LAX1: variants seen among roughly 807,000 people sequenced by gnomAD.
LAX1 encodes lymphocyte transmembrane adaptor 1.
A neutral mutation model predicts 20.7 loss-of-function variants in LAX1; 17 were observed. That is an observed-to-expected ratio of 0.82 (90% CI 0.56 to 1.23). The LOEUF (loss-of-function observed/expected upper bound fraction) is 1.23, where lower values mean the gene tolerates loss of function less well. Ranked by LOEUF, LAX1 falls within the 50% of genes most tolerant of loss-of-function variation. The pLI is 0.00. For missense variants in LAX1, 470 were observed against 487.0 expected, an observed-to-expected ratio of 0.97 and a Z score of 0.33; for synonymous variants, 165 against 181.0, an observed-to-expected ratio of 0.91 and a Z score of 0.71.
intron 1 of LAX1, among the ~76,000 whole-genome samples, chr1:203,768,814 G>C (rs1400701944): frequency 6.6e-6 from 1 of 152,186 alleles, no homozygotes; most frequent in Non-Finnish European, 1.5e-5. Flanking sequence ...TATTGCAAAG[G>C]TTCCTGTGAA....
At chr1:203,769,877 C>A (rs1225845014) in intron 1 of LAX1, among the ~76,000 whole-genome samples, 2 of 151,994 alleles carry the variant, frequency 1.3e-5, no homozygotes, top group Non-Finnish European at 2.9e-5. Context: ...TCCTCTCCTC[C>A]AAGCAAGCCA....
rs1558070034 is a variant in LAX1 at position 203,769,455 on chromosome 1, A to AGAAAGG, written c.90-1373_90-1372insGAAAGG. Among the ~76,000 whole-genome samples the AGAAAGG allele has an allele frequency of 9.3e-4, 62 of 66,464 alleles. 1 individual carries two copies. Among genetic ancestry groups the AGAAAGG allele is most frequent in the African/African-American group, 2.4e-3 (51 of 21,658 alleles). The allele number at this position is 66,464 out of a possible 152,430, so 43.6% of individuals were successfully genotyped here. On this transcript the variant is annotated intron_variant, in intron 1 of 4. Coordinates refer to ENST00000442561, the MANE Select transcript of LAX1 (RefSeq NM_017773.4). ...AAAGAAAGAAAGAAGGAAAGAAAGAAAAGAAAAGAAAGAAAGTTGTATAAA... is the reference window on the plus strand; with the variant it reads ...AAAGAAAGAAAGAAGGAAAGAAAGAAGAAAGGAAGAAAAGAAAGAAAGTTGTATAAA...
intron 4 of LAX1, among the ~76,000 whole-genome samples, chr1:203,773,611 C>A (rs1193132451): frequency 6.6e-6 from 1 of 151,556 alleles, no homozygotes; most frequent in South Asian, 2.1e-4. Flanking sequence ...CTAAGCCTCA[C>A]CTTTAGCCAC....
intron 3 of LAX1, among the ~76,000 whole-genome samples, 184 bp downstream of exon 3, chr1:203,771,661 A>G (rs1667424678): frequency 6.6e-6 from 1 of 152,132 alleles, no homozygotes; most frequent in African/African-American, 2.4e-5. Flanking sequence ...GAGGGCTCCA[A>G]AAAGGGAGCA....
intron 1 of LAX1, chr1:203,769,770 G>A (rs1667371277): frequency 6.7e-6 from 1 of 148,596 alleles, no homozygotes; most frequent in Admixed American, 6.7e-5. Flanking sequence ...CCACAAATTG[G>A]TGCGGGGGGG....
intron 1 of LAX1, among the ~76,000 whole-genome samples, 173 bp from the exon 2 acceptor site, chr1:203,770,655 C>T (rs1237602420): frequency 6.6e-6 from 1 of 152,096 alleles, no homozygotes; most frequent in East Asian, 1.9e-4. Context: ...CAAGTCCCCT[C>T]TCTCCATAAA....
At chr1:203,769,405 GA>G (rs1667359819) in intron 1 of LAX1, among the ~76,000 whole-genome samples, 1 of 70,434 alleles carries the variant, frequency 1.4e-5, no homozygotes, top group Non-Finnish European at 3.5e-5. Context: ...AAAAAAGAAA[GA>G]AAGAAAGAAA....
At chr1:203,765,933 G>A (rs989379817) in intron 1 of LAX1, among the ~76,000 whole-genome samples, 9 of 152,200 alleles carry the variant, frequency 5.9e-5, no homozygotes, top group African/African-American at 2.2e-4. Context: ...CTCACCTCTC[G>A]GAGGCCCTGA....
chr1:203,766,878 CAG>C (rs1667312108), intron 1 of LAX1, among the ~76,000 whole-genome samples: 1 of 151,816 alleles, frequency 6.6e-6, no homozygotes, highest in African/African-American at 2.4e-5. Flanking sequence ...TTTTTTTAGA[CAG>C]AGTCTCGCTC....
rs72071580 is a variant in LAX1 at position 203,770,433 on chromosome 1, A to AAGAGAGAGAGAG, written c.90-385_90-374dup. On this transcript the variant is annotated intron_variant, in intron 1 of 4. Transcript: ENST00000442561. ...TCCATCAAAAAGAAAGAAAGAAAGA[A>AAGAGAGAGAGAG]AGAGAGAGAGAGAGAGAGAGAAAGG... Among the ~76,000 whole-genome samples the AAGAGAGAGAGAG allele has an allele frequency of 2.9e-4, 13 of 44,926 alleles. 1 individual carries two copies. The East Asian group carries it at 4.3e-3, about 15-fold the overall frequency. 29.5% of individuals were successfully genotyped at this position (44,926 alleles called of 152,430 possible).
chr1:203,772,416 T>C (rs915787644), intron 4 of LAX1, among the ~76,000 whole-genome samples: 2 of 151,756 alleles, frequency 1.3e-5, no homozygotes, highest in Non-Finnish European at 2.9e-5. Context: ...TAAAATTGAT[T>C]GGTATATTTT....
In LAX1 at chr1:203,767,391, T is replaced by A. The variant is rs192695265; in HGVS notation, c.89+1737T>A. On this transcript the variant is annotated intron_variant, in intron 1 of 4. Coordinates refer to ENST00000442561, the MANE Select transcript of LAX1 (RefSeq NM_017773.4). ...GTTGCAATCTAGGGTCACTGCAACC[T>A]CCACCTCCCAGGTTCAAGCGATTCT... 5.4e-3 allele frequency among the ~76,000 whole-genome samples: 748 copies of A among 138,984 alleles called. 6 individuals carry two copies. Among genetic ancestry groups the A allele is most frequent in the Non-Finnish European group, 5.6e-3 (369 of 65,552 alleles). The allele number at this position is 138,984 out of a possible 152,430, so 91.2% of individuals were successfully genotyped here. A position where few individuals can be genotyped will look rare whatever the true frequency, so the allele number is the denominator to read the frequency against.
chr1:203,774,775 T>G lies in LAX1; in HGVS notation c.*94T>G. 1.0e-6 allele frequency: 1 copy of G among 992,272 alleles called. No individual in the cohort carries two copies. Among genetic ancestry groups the G allele is most frequent in the Non-Finnish European group, 1.5e-6 (1 of 672,060 alleles). 61.5% of individuals were successfully genotyped at this position (992,272 alleles called of 1,614,324 possible). ...TAGTGCAGACCCGTGATCACCTTAG[T>G]GCTTCAGTGGATTCACTGGTTAGAT... On this transcript the variant is annotated 3_prime_UTR_variant, in exon 5 of 5. Coordinates refer to ENST00000442561, the MANE Select transcript of LAX1 (RefSeq NM_017773.4).
chr1:203,772,666 T>C (rs1667441135), intron 4 of LAX1, among the ~76,000 whole-genome samples: 1 of 151,990 alleles, frequency 6.6e-6, no homozygotes, highest in Non-Finnish European at 1.5e-5. Context: ...GACCTTTTCA[T>C]CCACCCGCCT....
chr1:203,770,463 A>AGAGAGAG (rs58360126), intron 1 of LAX1, among the ~76,000 whole-genome samples: 5 of 11,438 alleles, frequency 4.4e-4, no homozygotes, highest in Admixed American at 1.7e-3. Flanking sequence ...GAAAGGAAGG[A>AGAGAGAG]AGGAAGGAAG....
At position 203,774,604 on chromosome 1, in the gene LAX1, G is replaced by A. The variant is rs1472119176; in HGVS notation, c.1120G>A (p.Glu374Lys). 1.9e-6 allele frequency: 3 copies of A among 1,614,224 alleles called. No individual in the cohort carries two copies. Among genetic ancestry groups the A allele is most frequent in the Admixed American group, 1.7e-5 (1 of 60,020 alleles). Reference sequence around the variant, plus strand: ...GTCAAATGAGGACTCCAGTGACTATGAAAATGTGCTAACTGCCAAGTTAGG... The same window carrying A: ...GTCAAATGAGGACTCCAGTGACTATAAAAATGTGCTAACTGCCAAGTTAGG... ...EMSNEDSSDY[E>K]NVLTAKLGGR... The change falls in exon 5 of 5, where the codon GAA (glutamate) becomes AAA (lysine). Residue 374 changes from glutamate (E) to lysine (K), a missense_variant. Coordinates refer to ENST00000442561, the MANE Select transcript of LAX1 (RefSeq NM_017773.4).
Position 203,774,767 on chromosome 1 carries a change from C to A in LAX1, c.*86C>A. On this transcript the variant is annotated 3_prime_UTR_variant, in exon 5 of 5. Coordinates refer to ENST00000442561, the MANE Select transcript of LAX1 (RefSeq NM_017773.4). The stretch of plus-strand genomic sequence containing the variant: ...GCAGAGTCTAGTGCAGACCCGTGAT[C>A]ACCTTAGTGCTTCAGTGGATTCACT... 1 of 1,073,096 alleles carries A rather than the reference C, an allele frequency of 9.3e-7. No individual in the cohort carries two copies. The highest frequency in any genetic ancestry group is 1.3e-6 in the Non-Finnish European group (1 of 741,198). 66.5% of individuals were successfully genotyped at this position (1,073,096 alleles called of 1,614,324 possible).
In LAX1 at chr1:203,765,607, G is replaced by T. The variant is rs774723925; in HGVS notation, c.42G>T (p.Arg14Ser). Residue 14 changes from arginine (R) to serine (S), a missense_variant, in exon 1 of 5, where the codon AGG becomes AGT. Coordinates refer to ENST00000442561, the MANE Select transcript of LAX1 (RefSeq NM_017773.4). ...VTPTLSTIRGRTLESSTLHVT... is the reference protein window; with the variant it reads ...VTPTLSTIRGSTLESSTLHVT... ...CAACCCTTTCGACAATCAGAGGGAGGACCTTGGAGTCCAGCACTCTGCATG... is the reference window on the plus strand; with the variant it reads ...CAACCCTTTCGACAATCAGAGGGAGTACCTTGGAGTCCAGCACTCTGCATG... 3 of 1,614,148 alleles carry T rather than the reference G, an allele frequency of 1.9e-6. No homozygotes were observed. In the East Asian group the frequency reaches 6.7e-5, roughly 36 times the overall value.
chr1:203,772,275 C>T, intron 4 of LAX1, 128 bp downstream of exon 4: 2 of 704,570 alleles, frequency 2.8e-6, no homozygotes. Flanking sequence ...CCCTGCAGTC[C>T]TATTAATAAA....
Sources: gnomAD v4.1 joint callset for allele counts (sites outside exome capture counted in the v4.1 genomes callset) on GRCh38, gnomAD v4.1.1 for gene constraint, MANE v1.5 for transcripts, NCBI Gene and HGNC (gene_info 2026-07-23, HGNC 2026-07-21) for gene names.